Variants in VKORC1L1 observed in about 807,000 individuals in gnomAD.
VKORC1L1 encodes the protein vitamin K epoxide reductase complex subunit 1-like protein 1.
A neutral mutation model predicts 18.9 loss-of-function variants in VKORC1L1; 2 were observed. The observed-to-expected ratio is 0.11, with a 90% CI of 0.04 to 0.33. The LOEUF (loss-of-function observed/expected upper bound fraction) is 0.33, where lower values mean the gene tolerates loss of function less well. Ranked by LOEUF, VKORC1L1 falls within the 10% of genes least tolerant of loss-of-function variation. VKORC1L1 has a pLI of 1.00. For missense variants in VKORC1L1, 123 were observed against 224.1 expected (o/e 0.55, Z 2.88); for synonymous variants, 96 against 100.0 (o/e 0.96, Z 0.24).
intron 1 of VKORC1L1, among the ~76,000 whole-genome samples, chr7:65,881,021 A>G (rs1788919909): frequency 6.6e-6 from 1 of 152,296 alleles, no homozygotes; most frequent in Non-Finnish European, 1.5e-5. Context: ...TCAGATTTTG[A>G]ACTTTCAGAT....
At chr7:65,945,333 C>T (rs183615089) in intron 1 of VKORC1L1, among the ~76,000 whole-genome samples, 5 of 151,036 alleles carry the variant, frequency 3.3e-5, no homozygotes, top group Middle Eastern at 3.5e-3. Flanking sequence ...AAAACAGGGC[C>T]GGGCGCAGTG....
At position 65,873,577 on chromosome 7, in the gene VKORC1L1, G is replaced by T. The variant is rs536532694; in HGVS notation, c.194+12G>T. ...GCCCTTGCCTCCAGGTAGCCGGCTTGGGGGAGTGGGCCAGGAGCGGCCGAG... is the reference window on the plus strand; with the variant it reads ...GCCCTTGCCTCCAGGTAGCCGGCTTTGGGGAGTGGGCCAGGAGCGGCCGAG... On this transcript the variant is annotated intron_variant, in intron 1 of 2. Transcript: ENST00000360768. The T allele has an allele frequency of 9.2e-6, 14 of 1,529,812 alleles. No homozygotes were observed. The highest frequency in any genetic ancestry group is 4.2e-5 in the African/African-American group (3 of 71,532). The allele number at this position is 1,529,812 out of a possible 1,614,324, so 94.8% of individuals were successfully genotyped here.
chr7:65,879,014 C>CCAGA (rs1788878263), intron 1 of VKORC1L1, among the ~76,000 whole-genome samples: 2 of 152,200 alleles, frequency 1.3e-5, no homozygotes, highest in South Asian at 2.1e-4. Flanking sequence ...ATCCCTTCCA[C>CCAGA]CAGACAGTTC....
At chr7:65,904,299 C>G (rs1414092579) in intron 1 of VKORC1L1, among the ~76,000 whole-genome samples, 1 of 152,092 alleles carries the variant, frequency 6.6e-6, no homozygotes, top group Non-Finnish European at 1.5e-5. Context: ...ACCCCTGCCT[C>G]CTGGGTTCAA....
intron 1 of VKORC1L1, among the ~76,000 whole-genome samples, chr7:65,922,423 G>C (rs1789692615): frequency 6.6e-6 from 1 of 152,080 alleles, no homozygotes; most frequent in African/African-American, 2.4e-5. Flanking sequence ...TGGGATTACA[G>C]ATGTGCTGCA....
At chr7:65,877,663 T>C (rs561805497) in intron 1 of VKORC1L1, among the ~76,000 whole-genome samples, 1 of 152,324 alleles carries the variant, frequency 6.6e-6, no homozygotes, top group South Asian at 2.1e-4. Flanking sequence ...ATGCAGAATA[T>C]TCTATGTAGG....
At chr7:65,869,640 CT>C (rs1226951533), upstream of VKORC1L1, among the ~76,000 whole-genome samples, 13,040 of 77,266 alleles carry the variant, frequency 0.17, 881 homozygotes, top group Middle Eastern at 0.35. Flanking sequence ...CGATTTCATT[CT>C]TTTTTTTTTT....
At chr7:65,900,250 C>G (rs1381080466) in intron 1 of VKORC1L1, among the ~76,000 whole-genome samples, 3 of 151,042 alleles carry the variant, frequency 2.0e-5, no homozygotes, top group African/African-American at 7.3e-5. Flanking sequence ...ATTAGCCAGG[C>G]GTGGTGGCGG....
chr7:65,911,642 A>G (rs1432558123), intron 1 of VKORC1L1, among the ~76,000 whole-genome samples: 4 of 152,208 alleles, frequency 2.6e-5, no homozygotes, highest in African/African-American at 4.8e-5. Flanking sequence ...TATTTTGCCC[A>G]GGTTAGTCTT....
At chr7:65,900,206 G>A (rs1471148468) in intron 1 of VKORC1L1, among the ~76,000 whole-genome samples, 20 of 150,484 alleles carry the variant, frequency 1.3e-4, no homozygotes, top group African/African-American at 4.9e-5. Flanking sequence ...TGGCTAACAC[G>A]GTGAAACCTC....
chr7:65,883,287 A>G (rs993356105), intron 1 of VKORC1L1, among the ~76,000 whole-genome samples: 3 of 151,604 alleles, frequency 2.0e-5, no homozygotes, highest in African/African-American at 4.9e-5. Context: ...AACTACAGGC[A>G]TGTGCCACCA....
chr7:65,927,360 G>T (rs764673138), intron 1 of VKORC1L1, among the ~76,000 whole-genome samples: 9 of 152,068 alleles, frequency 5.9e-5, no homozygotes, highest in Non-Finnish European at 1.2e-4. Context: ...TAAAATCCCA[G>T]AATTCACTAT....
intron 1 of VKORC1L1, among the ~76,000 whole-genome samples, chr7:65,937,233 T>G (rs1789958956): frequency 3.6e-5 from 1 of 28,142 alleles, no homozygotes; most frequent in African/African-American, 1.0e-4. Flanking sequence ...TACTTGATCT[T>G]CCAGTTTTTA....
chr7:65,922,114 G>C (rs6949812), intron 1 of VKORC1L1, among the ~76,000 whole-genome samples: 1 of 151,900 alleles, frequency 6.6e-6, no homozygotes, highest in African/African-American at 2.4e-5. Context: ...TACCAATCAC[G>C]TACCTTTTTT....
At chr7:65,903,652 G>A (rs563878314) in intron 1 of VKORC1L1, among the ~76,000 whole-genome samples, 57 of 152,114 alleles carry the variant, frequency 3.7e-4, no homozygotes, top group African/African-American at 1.4e-3. Context: ...CGCGCCTGTG[G>A]TTCCAGCTCC....
chr7:65,928,010 G>A (rs747719701), intron 1 of VKORC1L1, among the ~76,000 whole-genome samples: 15 of 152,040 alleles, frequency 9.9e-5, no homozygotes, highest in African/African-American at 3.6e-4. Flanking sequence ...CTTTATTTCC[G>A]TGAAGGCTGT....
intron 1 of VKORC1L1, among the ~76,000 whole-genome samples, chr7:65,883,282 C>T (rs1310769182): frequency 6.6e-6 from 1 of 151,496 alleles, no homozygotes; most frequent in Non-Finnish European, 1.5e-5. Flanking sequence ...GCTGGAACTA[C>T]AGGCATGTGC....
intron 1 of VKORC1L1, among the ~76,000 whole-genome samples, chr7:65,942,417 G>A (rs898616916): frequency 4.0e-5 from 6 of 149,932 alleles, no homozygotes; most frequent in South Asian, 2.1e-4. Flanking sequence ...GCATGAACCC[G>A]GGAGGCGGAG....
At chr7:65,900,696 T>A (rs903595687) in intron 1 of VKORC1L1, among the ~76,000 whole-genome samples, 1 of 152,014 alleles carries the variant, frequency 6.6e-6, no homozygotes, top group African/African-American at 2.4e-5. Flanking sequence ...TCCCAGCTAC[T>A]CGGGAGGCTA....
Sources: allele counts gnomAD v4.1 joint callset (sites outside exome capture counted in the v4.1 genomes callset), GRCh38; gene constraint gnomAD v4.1.1; transcripts MANE v1.5; gene names NCBI Gene and HGNC (gene_info 2026-07-23, HGNC 2026-07-21).